Variants in RSBN1L observed in about 807,000 individuals in gnomAD.
RSBN1L encodes the protein round spermatid basic protein 1 like, also known as lysine-specific demethylase RSBN1L.
Under a neutral mutation model 67.7 loss-of-function variants are expected in RSBN1L, and 30 were observed. The ratio of observed to expected loss-of-function variants is 0.44; its 90% CI spans 0.33 to 0.60. The LOEUF (loss-of-function observed/expected upper bound fraction) is 0.60. Ranked by LOEUF, RSBN1L falls within the 20% of genes least tolerant of loss-of-function variation. The pLI, the probability that RSBN1L is intolerant of heterozygous loss-of-function variation, is 0.02. For synonymous variants in RSBN1L, 433 were observed against 387.0 expected, an observed-to-expected ratio of 1.12 and a Z score of -1.39; for missense variants, 992 against 1,031.7, an observed-to-expected ratio of 0.96 and a Z score of 0.53.
intron 2 of RSBN1L, among the ~76,000 whole-genome samples, chr7:77,737,529 A>G (rs1243743087): frequency 6.6e-6 from 1 of 152,158 alleles, no homozygotes; most frequent in African/African-American, 2.4e-5. Context: ...TTCATTTTCT[A>G]CGATATTCTT....
At chr7:77,769,807 G>T (rs1791821769) in intron 5 of RSBN1L, among the ~76,000 whole-genome samples, 1 of 152,148 alleles carries the variant, frequency 6.6e-6, no homozygotes, top group African/African-American at 2.4e-5. Flanking sequence ...TATGAATATA[G>T]CATTAATATT....
At chr7:77,740,985 CTTTTTTTT>C (rs869081974) in intron 2 of RSBN1L, among the ~76,000 whole-genome samples, 2 of 102,926 alleles carry the variant, frequency 1.9e-5, no homozygotes, top group African/African-American at 4.4e-5. Context: ...CTTTTCTTTT[CTTTTTTTT>C]TTTTTTTTTT....
intron 4 of RSBN1L, 132 bp downstream of exon 4, chr7:77,765,764 A>G (rs771246741): frequency 7.4e-6 from 5 of 672,736 alleles, no homozygotes; most frequent in Non-Finnish European, 1.2e-5. Flanking sequence ...TTTCAGAAAT[A>G]GAAACGTTTT....
chr7:77,727,006 C>T (rs1012341117), intron 1 of RSBN1L, among the ~76,000 whole-genome samples: 1 of 151,814 alleles, frequency 6.6e-6, no homozygotes, highest in Non-Finnish European at 1.5e-5. Flanking sequence ...TGGTCTCAAT[C>T]TCTTGACCTC....
At chr7:77,715,060 T>C (rs1213413748) in intron 1 of RSBN1L, among the ~76,000 whole-genome samples, 1 of 151,244 alleles carries the variant, frequency 6.6e-6, no homozygotes, top group Non-Finnish European at 1.5e-5. Flanking sequence ...TCACCTGAGG[T>C]CAGGAGTTTA....
intron 4 of RSBN1L, chr7:77,768,312 TC>T (rs1178759502): frequency 1.2e-5 from 2 of 166,190 alleles, no homozygotes; most frequent in African/African-American, 2.4e-5. Flanking sequence ...ATTTAATTGT[TC>T]ATTTTTATAG....
chr7:77,707,475 A>G (rs1584274217), intron 1 of RSBN1L, among the ~76,000 whole-genome samples: 2 of 152,262 alleles, frequency 1.3e-5, no homozygotes, highest in East Asian at 1.9e-4. Flanking sequence ...TGCATTGCAT[A>G]TTTAAGTAGC....
intron 4 of RSBN1L, among the ~76,000 whole-genome samples, chr7:77,767,096 C>T (rs1791778354): frequency 7.0e-6 from 1 of 142,986 alleles, no homozygotes; most frequent in Non-Finnish European, 1.5e-5. Flanking sequence ...TTCCCTTTCC[C>T]TTTCCCTTCC....
intron 3 of RSBN1L, among the ~76,000 whole-genome samples, chr7:77,761,231 A>G (rs1407431567): frequency 1.3e-5 from 2 of 152,206 alleles, no homozygotes; most frequent in African/African-American, 4.8e-5. Flanking sequence ...GGGCAGCTGC[A>G]GCTGTGCTTA....
At chr7:77,749,346 C>T (rs2150425671) in intron 2 of RSBN1L, 78 bp from the exon 3 acceptor site, 1 of 1,113,616 alleles carries the variant, frequency 9.0e-7, no homozygotes, top group Non-Finnish European at 1.2e-6. Context: ...AAACTTCTTA[C>T]TTAGACAAAA....
intron 1 of RSBN1L, among the ~76,000 whole-genome samples, chr7:77,730,658 A>C (rs2150419243): frequency 6.6e-6 from 1 of 152,328 alleles, no homozygotes; most frequent in African/African-American, 2.4e-5. Context: ...TACGTTATGT[A>C]GCCTTTTCAC....
At chr7:77,758,913 T>C (rs564991977) in intron 3 of RSBN1L, among the ~76,000 whole-genome samples, 27 of 152,344 alleles carry the variant, frequency 1.8e-4, no homozygotes, top group African/African-American at 6.3e-4. Flanking sequence ...ACTGTGAGAA[T>C]GTGAAAACTG....
rs556050068 is a variant in RSBN1L at position 77,696,738 on chromosome 7, C to G, written c.269C>G (p.Pro90Arg). 5 of 1,613,764 alleles carry G rather than the reference C, an allele frequency of 3.1e-6. No homozygotes were observed. Among genetic ancestry groups the G allele is most frequent in the Admixed American group, 1.7e-5 (1 of 60,020 alleles). ...YGSPASWSFA[P>R]LSAAPSPSSS... ...AGCCCCGCGTCTTGGAGCTTTGCCCCTCTGTCTGCTGCTCCCTCCCCGTCC... is the reference window on the plus strand; with the variant it reads ...AGCCCCGCGTCTTGGAGCTTTGCCCGTCTGTCTGCTGCTCCCTCCCCGTCC... The change falls in exon 1 of 8, where the codon CCT (proline) becomes CGT (arginine). Residue 90 changes from proline to arginine, a missense_variant. Pro to Arg is a moderately radical substitution (Grantham distance 103). Transcript: ENST00000334955.
intron 1 of RSBN1L, among the ~76,000 whole-genome samples, chr7:77,703,476 G>GTTTTTTT (rs1562792479): frequency 2.9e-4 from 29 of 101,524 alleles, no homozygotes; most frequent in African/African-American, 1.0e-3. Flanking sequence ...CTACTGTTTG[G>GTTTTTTT]GTTTTTTTTT....
At chr7:77,753,136 T>A (rs1221595061) in intron 3 of RSBN1L, among the ~76,000 whole-genome samples, 2 of 152,218 alleles carry the variant, frequency 1.3e-5, no homozygotes, top group East Asian at 1.9e-4. Flanking sequence ...TTGATGAGCA[T>A]ATGTATGTGT....
chr7:77,748,149 C>T (rs1190506967), intron 2 of RSBN1L, among the ~76,000 whole-genome samples: 1 of 151,958 alleles, frequency 6.6e-6, no homozygotes, highest in Non-Finnish European at 1.5e-5. Context: ...CTCTTGAAAG[C>T]AGTTTAGCTA....
rs567778752 is a variant in RSBN1L at position 77,776,035 on chromosome 7, G to A, written c.1794-2303G>A. On this transcript the variant is annotated intron_variant, in intron 6 of 7. Coordinates refer to ENST00000334955, the MANE Select transcript of RSBN1L (RefSeq NM_198467.3). ...GGCACCACTGCACTCCAGCCTGGGC[G>A]ATTGACGTGAGACTCCGTCTCAAAA... Among the ~76,000 whole-genome samples the A allele has an allele frequency of 4.1e-4, 61 of 149,290 alleles. No individual in the cohort carries two copies. In the Middle Eastern group the frequency reaches 0.01, roughly 25 times the overall value.
At chr7:77,712,823 G>A (rs1790993074) in intron 1 of RSBN1L, among the ~76,000 whole-genome samples, 1 of 147,274 alleles carries the variant, frequency 6.8e-6, no homozygotes, top group Non-Finnish European at 1.5e-5. Context: ...ATAAAACAAT[G>A]TGTAGGCGTT....
chr7:77,764,729 C>T (rs1321788269), intron 3 of RSBN1L, among the ~76,000 whole-genome samples: 1 of 152,020 alleles, frequency 6.6e-6, no homozygotes, highest in Non-Finnish European at 1.5e-5. Flanking sequence ...CAGGTTCACG[C>T]CATTCTCCTG....
Sources: allele counts gnomAD v4.1 joint callset (sites outside exome capture counted in the v4.1 genomes callset), GRCh38; gene constraint gnomAD v4.1.1; transcripts MANE v1.5; gene names NCBI Gene and HGNC (gene_info 2026-07-23, HGNC 2026-07-21).